Variants in ABTB3 observed in about 807,000 individuals in gnomAD.
The protein encoded by ABTB3 is ankyrin repeat- and BTB/POZ domain-containing protein 3.
At chr12:107,343,047 T>C in the ABTB3 span, among the ~76,000 whole-genome samples, 2 of 152,218 alleles carry the variant, frequency 1.3e-5, no homozygotes, top group East Asian at 1.9e-4. Context: ...CAGGATCTCA[T>C]TCTGTCACCC....
chr12:107,532,815 A>C, the ABTB3 span, among the ~76,000 whole-genome samples: 1 of 152,188 alleles, frequency 6.6e-6, no homozygotes, highest in African/African-American at 2.4e-5. Context: ...ATCAAACTAG[A>C]AACAGATTTC....
the ABTB3 span, among the ~76,000 whole-genome samples, chr12:107,565,565 C>T: frequency 6.6e-6 from 1 of 152,226 alleles, no homozygotes; most frequent in South Asian, 2.1e-4. Context: ...TGCCATACCC[C>T]AGCCAAATCC....
At chr12:107,654,831 C>T in the ABTB3 span, among the ~76,000 whole-genome samples, 1 of 145,466 alleles carries the variant, frequency 6.9e-6, no homozygotes, top group East Asian at 1.9e-4. Context: ...CACACACACA[C>T]ACACACACAC....
At chr12:107,457,155 C>T in the ABTB3 span, among the ~76,000 whole-genome samples, 1 of 152,248 alleles carries the variant, frequency 6.6e-6, no homozygotes, top group Non-Finnish European at 1.5e-5. Flanking sequence ...AGCCACCGTG[C>T]TCGGCCCTAC....
the ABTB3 span, among the ~76,000 whole-genome samples, chr12:107,526,572 C>T: frequency 6.6e-6 from 1 of 152,112 alleles, no homozygotes; most frequent in African/African-American, 2.4e-5. Flanking sequence ...GCCTTGCCCC[C>T]AAGCTCCCAG....
At chr12:107,615,199 A>G in the ABTB3 span, 1 of 1,531,846 alleles carries the variant, frequency 6.5e-7, no homozygotes. Context: ...CTGACTTTTG[A>G]TTTTACCTCT....
chr12:107,321,318 C>A, the ABTB3 span, among the ~76,000 whole-genome samples: 3 of 152,148 alleles, frequency 2.0e-5, no homozygotes, highest in Admixed American at 6.5e-5. Flanking sequence ...CGCGTCTGTG[C>A]GTGTGTAAGT....
chr12:107,604,317 C>T, the ABTB3 span, among the ~76,000 whole-genome samples: 2 of 151,978 alleles, frequency 1.3e-5, no homozygotes, highest in African/African-American at 4.8e-5. Context: ...CATGCTGATG[C>T]ATGCCTGTAA....
At chr12:107,628,664 A>G in the ABTB3 span, among the ~76,000 whole-genome samples, 1 of 152,230 alleles carries the variant, frequency 6.6e-6, no homozygotes, top group Non-Finnish European at 1.5e-5. Context: ...TCTTAAAAAA[A>G]GGGATGAGGT....
At chr12:107,571,982 C>T in the ABTB3 span, among the ~76,000 whole-genome samples, 1 of 152,228 alleles carries the variant, frequency 6.6e-6, no homozygotes, top group Admixed American at 6.5e-5. Context: ...ATGCCAAGTG[C>T]AGCAGGCTAA....
chr12:107,566,275 T>A, the ABTB3 span, among the ~76,000 whole-genome samples: 2 of 152,140 alleles, frequency 1.3e-5, no homozygotes, highest in Non-Finnish European at 2.9e-5. Context: ...CCCATTCCCA[T>A]CCCCTACTTC....
the ABTB3 span, among the ~76,000 whole-genome samples, chr12:107,402,371 C>T: frequency 0.15 from 22,956 of 152,132 alleles, 2,027 homozygotes; most frequent in Admixed American, 0.26. Flanking sequence ...CTGGCTTGAC[C>T]GCCTAAGAGG....
chr12:107,421,651 T>C, the ABTB3 span, among the ~76,000 whole-genome samples: 1 of 152,228 alleles, frequency 6.6e-6, no homozygotes, highest in African/African-American at 2.4e-5. Context: ...CTTTATTTCT[T>C]CTCTGGAACC....
At chr12:107,370,943 A>G in the ABTB3 span, among the ~76,000 whole-genome samples, 3 of 151,674 alleles carry the variant, frequency 2.0e-5, no homozygotes, top group Non-Finnish European at 4.4e-5. Flanking sequence ...AAGAAGGGTG[A>G]CCACCTCCTA....
chr12:107,654,815 T>TACACACACACACACACACAC, the ABTB3 span, among the ~76,000 whole-genome samples: 38 of 141,290 alleles, frequency 2.7e-4, no homozygotes, highest in African/African-American at 1.0e-3. Context: ...CTACATTGTA[T>TACACACACACACACACACAC]ACACACACAC....
chr12:107,550,597 T>C, the ABTB3 span, among the ~76,000 whole-genome samples: 2 of 149,968 alleles, frequency 1.3e-5, no homozygotes, highest in African/African-American at 4.9e-5. Context: ...TTTTTTTTTT[T>C]TGAGACAGAG....
At chr12:107,382,963 G>A in the ABTB3 span, among the ~76,000 whole-genome samples, 10,282 of 152,190 alleles carry the variant, frequency 0.068, 460 homozygotes, top group East Asian at 0.12. Flanking sequence ...CTGCAGGGTA[G>A]GAGGGTCCTT....
At chr12:107,348,147 T>C in the ABTB3 span, among the ~76,000 whole-genome samples, 3 of 152,266 alleles carry the variant, frequency 2.0e-5, no homozygotes, top group South Asian at 6.2e-4. Flanking sequence ...CATACTTCAC[T>C]ACTTTTATTT....
At chr12:107,372,514 G>C in the ABTB3 span, among the ~76,000 whole-genome samples, 1 of 152,264 alleles carries the variant, frequency 6.6e-6, no homozygotes, top group East Asian at 1.9e-4. Context: ...GCGTCCTCAA[G>C]AAGTGTATTA....
Sources: gnomAD v4.1 joint callset for allele counts (sites outside exome capture counted in the v4.1 genomes callset) on GRCh38, gnomAD v4.1.1 for gene constraint, MANE v1.5 for transcripts, NCBI Gene and HGNC (gene_info 2026-07-23, HGNC 2026-07-21) for gene names.